The following CHST9 variants were observed in gnomAD, a reference collection of about 807,000 sequenced individuals.
CHST9 encodes the protein carbohydrate sulfotransferase 9, also known as GalNAc-4-sulfotransferase 2.
In CHST9, 41 loss-of-function variants were observed where a neutral mutation model predicts 44.4. That is an observed-to-expected ratio of 0.92 (90% CI 0.72 to 1.20). The LOEUF (loss-of-function observed/expected upper bound fraction) is 1.20, where lower values mean the gene tolerates loss of function less well. Ranked by LOEUF, CHST9 falls within the 50% of genes most tolerant of loss-of-function variation. CHST9 has a pLI of 0.00. For synonymous variants in CHST9, 171 were observed against 178.4 expected (o/e 0.96, Z 0.33); for missense variants, 504 against 516.5 (o/e 0.98, Z 0.23).
intron 4 of CHST9, among the ~76,000 whole-genome samples, chr18:26,955,333 T>A (rs1419276748): frequency 6.6e-6 from 1 of 152,174 alleles, no homozygotes; most frequent in Middle Eastern, 3.4e-3. Flanking sequence ...GAGTTAATTC[T>A]ACATAACTTA....
chr18:26,933,930 G>C (rs192949283), intron 5 of CHST9, among the ~76,000 whole-genome samples: 150 of 151,200 alleles, frequency 9.9e-4, no homozygotes, highest in African/African-American at 3.4e-3. Flanking sequence ...CTGAGGAGAA[G>C]CTACTAGGGC....
chr18:27,163,994 C>A (rs1368449214), intron 1 of CHST9, among the ~76,000 whole-genome samples: 1 of 152,070 alleles, frequency 6.6e-6, no homozygotes. Context: ...ATATGGAATG[C>A]AGACAAAGGA....
At chr18:26,950,088 T>C (rs1346248700) in intron 4 of CHST9, among the ~76,000 whole-genome samples, 3 of 152,196 alleles carry the variant, frequency 2.0e-5, no homozygotes, top group African/African-American at 7.2e-5. Context: ...TTTGGTGATT[T>C]GTTACAGCAG....
At chr18:27,056,452 C>T (rs888846099) in intron 2 of CHST9, among the ~76,000 whole-genome samples, 9 of 152,114 alleles carry the variant, frequency 5.9e-5, no homozygotes, top group Admixed American at 2.0e-4. Context: ...TGAGTTGTAG[C>T]TCTACCACTT....
chr18:27,106,223 A>G (rs1042398279), intron 2 of CHST9, among the ~76,000 whole-genome samples: 1 of 152,162 alleles, frequency 6.6e-6, no homozygotes, highest in African/African-American at 2.4e-5. Context: ...GATTTTTTCA[A>G]CTGCTTTTAT....
At chr18:27,133,048 C>T (rs190465530) in intron 2 of CHST9, among the ~76,000 whole-genome samples, 1 of 152,268 alleles carries the variant, frequency 6.6e-6, no homozygotes. Flanking sequence ...ACTGGCCAGG[C>T]TTGGATTAGC....
intron 4 of CHST9, among the ~76,000 whole-genome samples, chr18:26,955,857 A>G (rs1419126410): frequency 6.6e-6 from 1 of 152,154 alleles, no homozygotes; most frequent in Non-Finnish European, 1.5e-5. Flanking sequence ...TAACAGGGCA[A>G]TCTTCCAGTG....
intron 2 of CHST9, among the ~76,000 whole-genome samples, chr18:27,077,672 A>G (rs1250215715): frequency 6.6e-6 from 1 of 152,186 alleles, no homozygotes; most frequent in East Asian, 1.9e-4. Context: ...ATATCTTTTT[A>G]TCTACACCTC....
intron 2 of CHST9, among the ~76,000 whole-genome samples, chr18:27,105,898 C>A (rs1048246492): frequency 2.0e-5 from 3 of 151,976 alleles, no homozygotes; most frequent in Admixed American, 2.0e-4. Context: ...ATGAAGTATC[C>A]TTCAAATGTA....
rs2058506207 is a variant in CHST9, at chr18:27,135,505, C to T, written c.121+7184G>A. Among the ~76,000 whole-genome samples, 3 of 152,178 alleles carry T rather than the reference C, an allele frequency of 2.0e-5. No individual in the cohort carries two copies. The South Asian group carries it at 6.2e-4, about 32-fold the overall frequency. On this transcript the variant is annotated intron_variant, in intron 2 of 5. Coordinates refer to ENST00000618847, the MANE Select transcript of CHST9 (RefSeq NM_031422.6). Reference sequence around the variant, plus strand: ...TAATAAGAGTATTACAGTGACCACTCTTTCTTCTTCTAGTGCATGCCTTGT... The same window carrying T: ...TAATAAGAGTATTACAGTGACCACTTTTTCTTCTTCTAGTGCATGCCTTGT...
chr18:26,957,562 A>G (rs1418815159), intron 4 of CHST9, among the ~76,000 whole-genome samples: 1 of 104,750 alleles, frequency 9.5e-6, no homozygotes, highest in East Asian at 3.5e-4. Flanking sequence ...TTATAACTAC[A>G]CTGCAAAAAA....
chr18:26,967,086 G>A (rs1419975329), intron 4 of CHST9, among the ~76,000 whole-genome samples: 1 of 152,020 alleles, frequency 6.6e-6, no homozygotes, highest in Non-Finnish European at 1.5e-5. Context: ...TCTTCCTTTT[G>A]TGAATTCTAA....
At chr18:27,066,996 C>A (rs142991847) in intron 2 of CHST9, among the ~76,000 whole-genome samples, 1 of 152,128 alleles carries the variant, frequency 6.6e-6, no homozygotes, top group African/African-American at 2.4e-5. Flanking sequence ...TTACTCTGAT[C>A]TTTTTTATTA....
intron 2 of CHST9, among the ~76,000 whole-genome samples, chr18:27,051,219 C>G (rs1468164873): frequency 6.6e-6 from 1 of 151,244 alleles, no homozygotes; most frequent in Non-Finnish European, 1.5e-5. Flanking sequence ...TTCAGACCAG[C>G]CTGTGCAACA....
intron 3 of CHST9, among the ~76,000 whole-genome samples, chr18:27,025,145 T>C (rs1374761208): frequency 6.8e-6 from 1 of 148,138 alleles, no homozygotes; most frequent in Non-Finnish European, 1.5e-5. Flanking sequence ...AATATATAAC[T>C]ATAATGAAAT....
At chr18:27,064,745 A>G (rs989313135) in intron 2 of CHST9, among the ~76,000 whole-genome samples, 1 of 152,048 alleles carries the variant, frequency 6.6e-6, no homozygotes, top group Non-Finnish European at 1.5e-5. Flanking sequence ...ACTTAATCCC[A>G]TATTCAATAG....
intron 2 of CHST9, among the ~76,000 whole-genome samples, chr18:27,138,562 A>G (rs886493049): frequency 6.6e-6 from 1 of 151,946 alleles, no homozygotes; most frequent in Non-Finnish European, 1.5e-5. Context: ...ATTTTCCTGA[A>G]TTGTGGCTGA....
chr18:27,119,649 T>C (rs1267493582), intron 2 of CHST9, among the ~76,000 whole-genome samples: 1 of 130,606 alleles, frequency 7.7e-6, no homozygotes, highest in East Asian at 2.5e-4. Context: ...TTTTTTTGTT[T>C]TGGGTTTTTT....
In CHST9 at chr18:27,056,450, A is replaced by G. The variant is rs76851931; in HGVS notation, c.122-7947T>C. 8.7e-3 allele frequency among the ~76,000 whole-genome samples: 1,318 copies of G among 152,256 alleles called. 13 individuals carry two copies. The highest frequency in any genetic ancestry group is 0.014 in the South Asian group (67 of 4,826). On this transcript the variant is annotated intron_variant, in intron 2 of 5. Coordinates refer to ENST00000618847, the MANE Select transcript of CHST9 (RefSeq NM_031422.6). ...TAGAGTGGTGAAAACTTTGAGTTGT[A>G]GCTCTACCACTTGATCACTGTGGGC...
Sources: gnomAD v4.1 joint callset for allele counts (sites outside exome capture counted in the v4.1 genomes callset) on GRCh38, gnomAD v4.1.1 for gene constraint, MANE v1.5 for transcripts, NCBI Gene and HGNC (gene_info 2026-07-23, HGNC 2026-07-21) for gene names.